The following SLC24A2 variants were observed in gnomAD, a reference collection of about 807,000 sequenced individuals.
The protein encoded by SLC24A2 is solute carrier family 24 member 2, also known as sodium/potassium/calcium exchanger 2.
SLC24A2 carries 36 observed loss-of-function variants against 62.0 expected under a neutral mutation model. That is an observed-to-expected ratio of 0.58 (90% CI 0.44 to 0.77). SLC24A2 has a LOEUF of 0.77. Among genes scored for constraint, SLC24A2 ranks in the 30% least tolerant of loss-of-function variants. SLC24A2 has a pLI of 0.00. For synonymous variants in SLC24A2, 358 were observed against 294.0 expected (o/e 1.22, Z -2.23); for missense variants, 846 against 817.9 (o/e 1.03, Z -0.42).
At chr9:19,919,859 C>A in the SLC24A2 span, among the ~76,000 whole-genome samples, 2 of 152,102 alleles carry the variant, frequency 1.3e-5, no homozygotes, top group African/African-American at 2.4e-5. Flanking sequence ...CCCCATGATT[C>A]AATTACCTCC....
At chr9:20,055,492 A>G in the SLC24A2 span, among the ~76,000 whole-genome samples, 1 of 152,168 alleles carries the variant, frequency 6.6e-6, no homozygotes, top group African/African-American at 2.4e-5. Flanking sequence ...ACTCTTCAGT[A>G]GCTATTATCT....
At chr9:20,231,258 C>A in the SLC24A2 span, among the ~76,000 whole-genome samples, 1 of 152,090 alleles carries the variant, frequency 6.6e-6, no homozygotes, top group African/African-American at 2.4e-5. Context: ...TAGTTTTTTC[C>A]AATTCTGTGA....
intron 8 of SLC24A2, among the ~76,000 whole-genome samples, chr9:19,548,184 A>G (rs548299395): frequency 1.3e-5 from 2 of 149,308 alleles, no homozygotes; most frequent in South Asian, 4.1e-4. Context: ...TCTTTTTCAA[A>G]TGAAGGAGCT....
the SLC24A2 span, among the ~76,000 whole-genome samples, chr9:19,959,172 T>A: frequency 6.6e-5 from 10 of 152,022 alleles, no homozygotes; most frequent in Non-Finnish European, 1.5e-4. Flanking sequence ...AGGAGAAGAA[T>A]CAGTGATGAG....
chr9:20,206,700 T>A, the SLC24A2 span, among the ~76,000 whole-genome samples: 2 of 152,140 alleles, frequency 1.3e-5, no homozygotes, highest in African/African-American at 4.8e-5. Flanking sequence ...CATGCTGGTC[T>A]CGAACTCCTG....
intron 7 of SLC24A2, among the ~76,000 whole-genome samples, chr9:19,568,406 C>T (rs1835740083): frequency 6.6e-6 from 1 of 152,230 alleles, no homozygotes; most frequent in Admixed American, 6.5e-5. Flanking sequence ...TACTGCAGCT[C>T]ATACATGGTC....
At chr9:19,566,406 A>AAT (rs1563970864) in intron 7 of SLC24A2, among the ~76,000 whole-genome samples, 94 of 147,640 alleles carry the variant, frequency 6.4e-4, no homozygotes, top group African/African-American at 2.2e-3. Flanking sequence ...TCAAAACCAC[A>AAT]GTGAGATACC....
At chr9:19,881,364 T>C in the SLC24A2 span, among the ~76,000 whole-genome samples, 2 of 152,204 alleles carry the variant, frequency 1.3e-5, no homozygotes, top group African/African-American at 4.8e-5. Context: ...AAGTATCATG[T>C]GCTGTTGACA....
At chr9:20,101,658 T>A in the SLC24A2 span, among the ~76,000 whole-genome samples, 1 of 152,208 alleles carries the variant, frequency 6.6e-6, no homozygotes, top group East Asian at 1.9e-4. Context: ...AGAAAAGGAA[T>A]GGAGACCTGA....
chr9:19,858,981 A>G, the SLC24A2 span, among the ~76,000 whole-genome samples: 31 of 152,364 alleles, frequency 2.0e-4, no homozygotes, highest in Non-Finnish European at 2.8e-4. Flanking sequence ...CATTTGACCC[A>G]GAAATTTCAT....
the SLC24A2 span, among the ~76,000 whole-genome samples, chr9:20,276,304 G>A: frequency 1.4e-4 from 22 of 152,320 alleles, no homozygotes; most frequent in African/African-American, 5.1e-4. Context: ...CCAAAACAAA[G>A]GGGCTACAGG....
chr9:19,696,669 T>TA (rs1340243349), intron 2 of SLC24A2, among the ~76,000 whole-genome samples: 2 of 152,172 alleles, frequency 1.3e-5, no homozygotes, highest in African/African-American at 4.8e-5. Flanking sequence ...ATCCGAAAGA[T>TA]AAAAGAAAAT....
At chr9:19,966,872 C>A in the SLC24A2 span, among the ~76,000 whole-genome samples, 13 of 152,102 alleles carry the variant, frequency 8.5e-5, no homozygotes, top group Non-Finnish European at 1.5e-4. Context: ...TAAGAAAAAG[C>A]TGAACAGAGA....
chr9:20,189,066 CT>C, the SLC24A2 span, among the ~76,000 whole-genome samples: 370 of 122,888 alleles, frequency 3.0e-3, 1 homozygote, highest in African/African-American at 0.012. Context: ...GGTGGCTTTT[CT>C]TTTTTTTTCT....
chr9:19,829,834 C>G, the SLC24A2 span, among the ~76,000 whole-genome samples: 1 of 131,282 alleles, frequency 7.6e-6, no homozygotes, highest in Non-Finnish European at 1.6e-5. Flanking sequence ...CACACACACA[C>G]ACACACATAT....
At chr9:19,971,772 A>G in the SLC24A2 span, among the ~76,000 whole-genome samples, 1 of 152,150 alleles carries the variant, frequency 6.6e-6, no homozygotes, top group Non-Finnish European at 1.5e-5. Flanking sequence ...AATGATGATG[A>G]TGATGATGAC....
chr9:19,939,090 T>G, the SLC24A2 span, among the ~76,000 whole-genome samples: 1 of 152,260 alleles, frequency 6.6e-6, no homozygotes, highest in African/African-American at 2.4e-5. Flanking sequence ...GTAGGTGATA[T>G]CTGTCTTCTT....
chr9:19,641,167 C>A (rs1440517745), intron 2 of SLC24A2, among the ~76,000 whole-genome samples: 1 of 152,240 alleles, frequency 6.6e-6, no homozygotes, highest in African/African-American at 2.4e-5. Context: ...ATCTACGTGA[C>A]ATCTCAGCAT....
chr9:19,992,916 C>T, the SLC24A2 span, among the ~76,000 whole-genome samples: 1 of 152,210 alleles, frequency 6.6e-6, no homozygotes, highest in Non-Finnish European at 1.5e-5. Context: ...GGTAGATTAA[C>T]TCTTGCTATC....
Sources: allele counts gnomAD v4.1 joint callset (sites outside exome capture counted in the v4.1 genomes callset), GRCh38; gene constraint gnomAD v4.1.1; transcripts MANE v1.5; gene names NCBI Gene and HGNC (gene_info 2026-07-23, HGNC 2026-07-21).